Variants in PLXDC2 observed in about 807,000 individuals in gnomAD.
PLXDC2 encodes plexin domain containing 2.
A neutral mutation model predicts 68.9 loss-of-function variants in PLXDC2; 40 were observed. The ratio of observed to expected loss-of-function variants is 0.58; its 90% CI spans 0.45 to 0.76. PLXDC2 has a LOEUF of 0.76. Ranked by LOEUF, PLXDC2 falls within the 30% of genes least tolerant of loss-of-function variation. The pLI is 0.00. For synonymous variants in PLXDC2, 243 were observed against 234.2 expected, an observed-to-expected ratio of 1.04 and a Z score of -0.34; for missense variants, 644 against 661.9, an observed-to-expected ratio of 0.97 and a Z score of 0.30.
At chr10:20,078,235 T>C (rs531098868) in intron 4 of PLXDC2, among the ~76,000 whole-genome samples, 1 of 152,174 alleles carries the variant, frequency 6.6e-6, no homozygotes, top group South Asian at 2.1e-4. Context: ...AATTAAAAAT[T>C]AGCAGGGCAT....
At chr10:19,839,205 A>G (rs1343404428) in intron 1 of PLXDC2, among the ~76,000 whole-genome samples, 2 of 145,502 alleles carry the variant, frequency 1.4e-5, no homozygotes, top group Non-Finnish European at 3.0e-5. Context: ...AAAAAAAAAA[A>G]GTTACTGCTC....
intron 2 of PLXDC2, among the ~76,000 whole-genome samples, chr10:20,026,741 T>C (rs1372393139): frequency 6.6e-6 from 1 of 151,200 alleles, no homozygotes; most frequent in Admixed American, 6.6e-5. Flanking sequence ...CCAAACTAAA[T>C]ATAATCTCTT....
At chr10:20,119,364 G>T (rs1430397161) in intron 4 of PLXDC2, among the ~76,000 whole-genome samples, 1 of 152,022 alleles carries the variant, frequency 6.6e-6, no homozygotes, top group Admixed American at 6.6e-5. Context: ...AAGGAAAAAG[G>T]GGGTTGTTCT....
chr10:20,081,420 A>AG (rs35144197), intron 4 of PLXDC2, among the ~76,000 whole-genome samples: 31,383 of 152,080 alleles, frequency 0.21, 3,920 homozygotes, highest in African/African-American at 0.35. Context: ...AAAAAAATGA[A>AG]AAAAACAAAA....
intron 10 of PLXDC2, among the ~76,000 whole-genome samples, chr10:20,214,379 C>G (rs1835108896): frequency 6.6e-6 from 1 of 151,988 alleles, no homozygotes; most frequent in Non-Finnish European, 1.5e-5. Context: ...ATGGGATCCT[C>G]AGGATTTTCA....
chr10:19,916,458 A>G (rs1833368271), intron 1 of PLXDC2, among the ~76,000 whole-genome samples: 1 of 151,498 alleles, frequency 6.6e-6, no homozygotes, highest in Non-Finnish European at 1.5e-5. Context: ...CTGGAAGGGG[A>G]CTTTTTTTCT....
Position 19,913,178 on chromosome 10 carries a change from G to T in PLXDC2, c.113-88597G>T, listed in dbSNP as rs548982048. ...ATCTCAAGTCGATTTGTAATCCTCA[G>T]TGTTGGAAGTGGGGCCTGGTGGGAG... On this transcript the variant is annotated intron_variant, in intron 1 of 13. Transcript: ENST00000377252. 1.5e-3 allele frequency among the ~76,000 whole-genome samples: 233 copies of T among 152,284 alleles called. 1 individual carries two copies. The highest frequency in any genetic ancestry group is 5.3e-3 in the African/African-American group (219 of 41,558).
At chr10:19,937,855 TTGGTCACTATC>T (rs1833754128) in intron 1 of PLXDC2, among the ~76,000 whole-genome samples, 1 of 152,086 alleles carries the variant, frequency 6.6e-6, no homozygotes, top group African/African-American at 2.4e-5. Flanking sequence ...CGTCCAGTCC[TTGGTCACTATC>T]CTGTCTTCAG....
chr10:19,902,244 T>A (rs1458846135), intron 1 of PLXDC2, among the ~76,000 whole-genome samples: 2 of 152,064 alleles, frequency 1.3e-5, no homozygotes, highest in Non-Finnish European at 2.9e-5. Context: ...TGCATTAAAT[T>A]TGTAGATTGC....
At chr10:20,263,877 ATAAG>A (rs1279404540) in intron 13 of PLXDC2, among the ~76,000 whole-genome samples, 1 of 152,190 alleles carries the variant, frequency 6.6e-6, no homozygotes, top group Admixed American at 6.5e-5. Flanking sequence ...TTGTGGGAGT[ATAAG>A]TTAGTTCAAC....
rs1796372563 is a variant in PLXDC2, at chr10:20,044,213, CTTT to C, written c.325-2655_325-2653del. On this transcript the variant is annotated intron_variant, in intron 2 of 13. Transcript: ENST00000377252. ...TCTTTCTCTCTCTCTCTCTCTCTGTCTTTCTTTCTTTCTTTCTTTCTTTCTTTC... is the reference window on the plus strand; with the variant it reads ...TCTTTCTCTCTCTCTCTCTCTCTGTCCTTTCTTTCTTTCTTTCTTTCTTTC... Among the ~76,000 whole-genome samples the C allele has an allele frequency of 4.5e-4, 3 of 6,618 alleles. No individual in the cohort carries two copies. In the South Asian group the frequency reaches 9.4e-3, roughly 21 times the overall value. The allele number at this position is 6,618 out of a possible 152,430, so 4.3% of individuals were successfully genotyped here.
In PLXDC2 at chr10:19,922,109, G is replaced by T. The variant is rs138580024; in HGVS notation, c.113-79666G>T. On this transcript the variant is annotated intron_variant, in intron 1 of 13. Coordinates refer to ENST00000377252, the MANE Select transcript of PLXDC2 (RefSeq NM_032812.9). ...CCTGACCTCAAGTGATCTGCCTGCC[G>T]CAGCCTCCCAAAGTGCTGGGATTAC... is the stretch of plus-strand genomic sequence containing the variant. 2.9e-3 allele frequency among the ~76,000 whole-genome samples: 438 copies of T among 152,110 alleles called. 2 individuals are homozygous for T. The highest frequency in any genetic ancestry group is 6.8e-3 in the Middle Eastern group (2 of 294).
At position 20,046,534 on chromosome 10, in the gene PLXDC2, G is replaced by GA. The variant is rs1233353304; in HGVS notation, c.325-329dup. Among the ~76,000 whole-genome samples the GA allele has an allele frequency of 4.6e-5, 7 of 151,994 alleles. No individual in the cohort carries two copies. In the South Asian group the frequency reaches 1.5e-3, roughly 32 times the overall value. ...ATATATATCTCGATTGATGATTTGT[G>GA]AAAAAATACATGGGATTTATGGTTT... On this transcript the variant is annotated intron_variant, in intron 2 of 13. Transcript: ENST00000377252.
chr10:20,141,943 TTTTTACAGTTAAAAA>T (rs753058848), intron 4 of PLXDC2, among the ~76,000 whole-genome samples: 4 of 152,056 alleles, frequency 2.6e-5, no homozygotes, highest in Non-Finnish European at 5.9e-5. Context: ...ACATTGAAGA[TTTTTACAGTTAAAAA>T]TTTTTTTAGA....
At chr10:19,819,442 C>T (rs547693750) in intron 1 of PLXDC2, among the ~76,000 whole-genome samples, 2 of 151,746 alleles carry the variant, frequency 1.3e-5, no homozygotes, top group Non-Finnish European at 2.9e-5. Context: ...AAAAAGTATA[C>T]AACTTTATTT....
At chr10:20,082,722 T>G (rs7084738) in intron 4 of PLXDC2, among the ~76,000 whole-genome samples, 31,482 of 152,104 alleles carry the variant, frequency 0.21, 3,961 homozygotes, top group African/African-American at 0.35. Context: ...GTGTATTTGT[T>G]TGTGAACAAT....
chr10:20,079,036 T>C (rs1836502560), intron 4 of PLXDC2, among the ~76,000 whole-genome samples: 1 of 151,998 alleles, frequency 6.6e-6, no homozygotes, highest in African/African-American at 2.4e-5. Flanking sequence ...AATAAAAATA[T>C]TGAAAAAAAT....
At chr10:20,011,340 T>C (rs1471505502) in intron 2 of PLXDC2, among the ~76,000 whole-genome samples, 1 of 152,128 alleles carries the variant, frequency 6.6e-6, no homozygotes, top group African/African-American at 2.4e-5. Flanking sequence ...ACGGTACTCC[T>C]GGGAGGGAAT....
chr10:20,098,357 A>ATGTGTCTGTG (rs1833379445), intron 4 of PLXDC2, among the ~76,000 whole-genome samples: 1 of 145,384 alleles, frequency 6.9e-6, no homozygotes. Flanking sequence ...GTGTGTGTGT[A>ATGTGTCTGTG]TGTGTGTGTG....
Sources: allele counts gnomAD v4.1 joint callset (sites outside exome capture counted in the v4.1 genomes callset), GRCh38; gene constraint gnomAD v4.1.1; transcripts MANE v1.5; gene names NCBI Gene and HGNC (gene_info 2026-07-23, HGNC 2026-07-21).